The following DHX35 variants were observed in gnomAD, a reference collection of about 807,000 sequenced individuals.
DHX35 encodes probable ATP-dependent RNA helicase DHX35.
DHX35 carries 84 observed loss-of-function variants against 99.6 expected under a neutral mutation model. The ratio of observed to expected loss-of-function variants is 0.84; its 90% confidence interval spans 0.71 to 1.01. The LOEUF (loss-of-function observed/expected upper bound fraction) is 1.01, where lower values mean the gene tolerates loss of function less well. Ranked by LOEUF, DHX35 falls within the 50% of genes least tolerant of loss-of-function variation. The pLI is 0.00. For synonymous variants in DHX35, 331 were observed against 316.2 expected (o/e 1.05, Z -0.50); for missense variants, 852 against 888.5 (o/e 0.96, Z 0.52).
chr20:39,036,618 T>C (rs1027667244), intron 21 of DHX35, among the ~76,000 whole-genome samples: 26 of 147,984 alleles, frequency 1.8e-4, no homozygotes, highest in African/African-American at 6.6e-4. Flanking sequence ...CCCAGCTACT[T>C]GGGAGGCTGA....
Position 39,025,261 on chromosome 20 carries a change from A to G in DHX35, c.1703A>G (p.His568Arg). ...HNKDSKWCQE[H>R]FLNYKGLVRA... ...AAGGACTCTAAATGGTGTCAGGAAC[A>G]TTTCCTGAATTACAAGGGTCTTGTC... Residue 568 changes from histidine (H) to arginine (R), a missense_variant, in exon 18 of 22, where the codon CAT (histidine) becomes CGT (arginine). His to Arg is a conservative substitution (Grantham distance 29). Coordinates refer to ENST00000252011, the MANE Select transcript of DHX35 (RefSeq NM_021931.4). 1.2e-6 allele frequency: 2 copies of G among 1,613,472 alleles called. No homozygotes were observed. The highest frequency in any genetic ancestry group is 1.7e-6 in the Non-Finnish European group (2 of 1,179,644).
chr20:38,970,518 C>T (rs767273230), intron 2 of DHX35, among the ~76,000 whole-genome samples: 8 of 152,182 alleles, frequency 5.3e-5, no homozygotes, highest in Non-Finnish European at 1.2e-4. Context: ...ACAGTTTGAG[C>T]TGTGATGAAG....
intron 19 of DHX35, chr20:39,029,155 T>C (rs534783834): frequency 6.6e-6 from 1 of 152,344 alleles, no homozygotes; most frequent in East Asian, 1.9e-4. Context: ...TTATTCTGTC[T>C]TTTCTGTCTT....
At position 39,023,671 on chromosome 20, in the gene DHX35, G is replaced by A; in HGVS notation, c.1594-19G>A. 4.3e-6 allele frequency: 7 copies of A among 1,612,242 alleles called. No individual in the cohort carries two copies. Among genetic ancestry groups the A allele is most frequent in the Non-Finnish European group, 5.1e-6 (6 of 1,178,380 alleles). ...CCCAGCAAAGAGTGAAATTCTGAAT[G>A]TTGCTTCATTCTTTCCAGATTCGAG... On this transcript the variant is annotated intron_variant, in intron 16 of 21. Coordinates refer to ENST00000252011, the MANE Select transcript of DHX35 (RefSeq NM_021931.4).
At chr20:39,001,620 A>G in intron 8 of DHX35, 110 bp from the exon 9 acceptor site, 2 of 738,096 alleles carry the variant, frequency 2.7e-6, no homozygotes, top group Non-Finnish European at 4.5e-6. Flanking sequence ...CACATATATA[A>G]TCTTGCTACT....
At chr20:39,008,707 TCTC>T (rs1029481793) in intron 12 of DHX35, among the ~76,000 whole-genome samples, 16 of 152,114 alleles carry the variant, frequency 1.1e-4, no homozygotes, top group African/African-American at 2.9e-4. Flanking sequence ...CAGCTTATCT[TCTC>T]CTACTAACCA....
intron 1 of DHX35, among the ~76,000 whole-genome samples, chr20:38,964,514 T>A (rs1601351299): frequency 1.3e-5 from 2 of 152,130 alleles, no homozygotes; most frequent in African/African-American, 4.8e-5. Flanking sequence ...CACTGGAACT[T>A]CCACCTCCCA....
chr20:38,994,876 C>T lies in DHX35; in HGVS notation c.638C>T (p.Ala213Val). Residue 213 changes from alanine to valine, a missense_variant, in exon 8 of 22, where the codon GCA becomes GTA. Coordinates refer to ENST00000252011, the MANE Select transcript of DHX35 (RefSeq NM_021931.4). ...ATTGTAGCTTCAGCCACTCTGGATG[C>T]AGACGTAAGAGCCTTGCCTCCCCTT... Reference protein sequence around the residue: ...RLIVASATLDADKFRDFFNQN... With the variant: ...RLIVASATLDVDKFRDFFNQN... 1.2e-6 allele frequency: 2 copies of T among 1,613,700 alleles called. No homozygotes were observed. Among genetic ancestry groups the T allele is most frequent in the Non-Finnish European group, 1.7e-6 (2 of 1,179,670 alleles).
Position 38,969,162 on chromosome 20 carries a change from C to G in DHX35, c.122C>G (p.Pro41Arg). ...TCTGGGACAACGGTTGTTTACAACC[C>G]TTATGCTGCCCTTTCCATAGAGCAG... ...ENSGTTVVYN[P>R]YAALSIEQQR... The change falls in exon 2 of 22, where the codon CCT (proline) becomes CGT (arginine). Residue 41 changes from proline to arginine, a missense_variant. Coordinates refer to ENST00000252011, the MANE Select transcript of DHX35 (RefSeq NM_021931.4). 11 of 1,613,846 alleles carry G rather than the reference C, an allele frequency of 6.8e-6. No homozygotes were observed. The highest frequency in any genetic ancestry group is 9.3e-6 in the Non-Finnish European group (11 of 1,179,806).
At chr20:38,980,781 T>TAGAC (rs1357725415) in intron 3 of DHX35, among the ~76,000 whole-genome samples, 1 of 152,192 alleles carries the variant, frequency 6.6e-6, no homozygotes, top group African/African-American at 2.4e-5. Context: ...TAATAGTAAT[T>TAGAC]AGACTATAGG....
chr20:39,030,830 G>GT (rs1324398941), intron 20 of DHX35, 55 bp downstream of exon 20: 2 of 1,573,164 alleles, frequency 1.3e-6, no homozygotes, highest in Non-Finnish European at 1.7e-6. Flanking sequence ...CCATGTTCTT[G>GT]TTTTTCTCCT....
chr20:38,989,412 C>T (rs369127148), intron 5 of DHX35, among the ~76,000 whole-genome samples: 43 of 151,978 alleles, frequency 2.8e-4, no homozygotes, highest in African/African-American at 9.7e-4. Context: ...TGTGCCCGGC[C>T]GACACAGGGC....
intron 8 of DHX35, among the ~76,000 whole-genome samples, chr20:38,995,623 T>G (rs1364454083): frequency 6.6e-6 from 1 of 152,196 alleles, no homozygotes; most frequent in Non-Finnish European, 1.5e-5. Context: ...GGACCTATAG[T>G]TTAAACAGCA....
Position 38,972,098 on chromosome 20 carries a change from C to T in DHX35, c.175-461C>T, listed in dbSNP as rs568214092. 4.6e-5 allele frequency among the ~76,000 whole-genome samples: 7 copies of T among 151,244 alleles called. No homozygotes were observed. The South Asian group carries it at 6.3e-4, about 14-fold the overall frequency. ...GTCTCGCCTCACTGCAGCCTCCCCC[C>T]GCCTGGGTTCAAGCAATTCTGCTGC... is the stretch of plus-strand genomic sequence containing the variant. On this transcript the variant is annotated intron_variant, in intron 2 of 21. Coordinates refer to ENST00000252011, the MANE Select transcript of DHX35 (RefSeq NM_021931.4).
At chr20:39,003,081 A>G (rs1051155929) in intron 10 of DHX35, among the ~76,000 whole-genome samples, 2 of 152,202 alleles carry the variant, frequency 1.3e-5, no homozygotes, top group Non-Finnish European at 2.9e-5. Flanking sequence ...AGAGGGTTAA[A>G]TGTTTTTTTA....
chr20:39,015,332 C>G (rs1237495647), intron 14 of DHX35, among the ~76,000 whole-genome samples: 1 of 152,162 alleles, frequency 6.6e-6, no homozygotes, highest in Non-Finnish European at 1.5e-5. Context: ...TCATTTCATT[C>G]CTGGAGTTGC....
intron 21 of DHX35, among the ~76,000 whole-genome samples, chr20:39,034,520 T>C (rs1344943814): frequency 6.6e-6 from 1 of 151,828 alleles, no homozygotes; most frequent in East Asian, 1.9e-4. Flanking sequence ...TAAAAATAAA[T>C]CCCCCTAATC....
chr20:39,021,786 C>T, intron 15 of DHX35, 55 bp from the exon 16 acceptor site: 2 of 1,540,460 alleles, frequency 1.3e-6, no homozygotes, highest in Non-Finnish European at 1.8e-6. Context: ...AAATGTCTTT[C>T]ACTTCTTGTT....
intron 7 of DHX35, 86 bp downstream of exon 7, chr20:38,992,511 A>T: frequency 8.1e-7 from 1 of 1,241,854 alleles, no homozygotes; most frequent in Non-Finnish European, 1.2e-6. Context: ...GGAAAGTACA[A>T]CAAAATACCA....
Sources: gnomAD v4.1 joint callset for allele counts (sites outside exome capture counted in the v4.1 genomes callset) on GRCh38, gnomAD v4.1.1 for gene constraint, MANE v1.5 for transcripts, NCBI Gene and HGNC (gene_info 2026-07-23, HGNC 2026-07-21) for gene names.